The following SLC26A2 variants were observed in gnomAD, a reference collection of about 807,000 sequenced individuals.
SLC26A2 encodes the protein solute carrier family 26 member 2.
SLC26A2 carries 36 observed loss-of-function variants against 41.1 expected under a neutral mutation model. The observed-to-expected ratio is 0.88, with a 90% confidence interval of 0.67 to 1.16. SLC26A2 has a LOEUF of 1.16. Among genes scored for constraint, SLC26A2 ranks in the 50% most tolerant of loss-of-function variants. The probability of loss-of-function intolerance (pLI) is 0.00; values close to 1 mark genes in which losing one functional copy is unlikely to be tolerated. For synonymous variants in SLC26A2, 291 were observed against 311.6 expected, an observed-to-expected ratio of 0.93 and a Z score of 0.70; for missense variants, 796 against 869.6, an observed-to-expected ratio of 0.92 and a Z score of 1.07.
intron 1 of SLC26A2, among the ~76,000 whole-genome samples, chr5:149,974,548 G>A (rs1312320343): frequency 1.3e-5 from 2 of 151,392 alleles, no homozygotes; most frequent in Non-Finnish European, 2.9e-5. Context: ...TCAGCCTCCT[G>A]AGTAGCTGGG....
intron 1 of SLC26A2, among the ~76,000 whole-genome samples, chr5:149,971,810 A>G (rs1276117909): frequency 1.3e-5 from 2 of 152,336 alleles, no homozygotes; most frequent in African/African-American, 4.8e-5. Context: ...ACATCAGACC[A>G]GAAGATATAT....
At position 149,980,763 on chromosome 5, in the gene SLC26A2, C is replaced by T. The variant is rs757884368; in HGVS notation, c.1170C>T (p.Ser390=). 9.3e-6 allele frequency: 15 copies of T among 1,613,842 alleles called. No individual in the cohort carries two copies. In the Admixed American group the frequency reaches 2.5e-4, roughly 27 times the overall value. ...PSVAVDAIAI[S]IIGFAITVSL... ...TGGCTGTAGATGCAATAGCTATTTC[C>T]ATCATTGGTTTTGCTATCACTGTAT... The change falls in exon 3 of 3, where the codon TCC becomes TCT. Residue 390 remains serine, a synonymous_variant. Coordinates refer to ENST00000286298, the MANE Select transcript of SLC26A2 (RefSeq NM_000112.4).
At chr5:149,974,832 T>A (rs927675011) in intron 1 of SLC26A2, among the ~76,000 whole-genome samples, 3 of 151,352 alleles carry the variant, frequency 2.0e-5, no homozygotes, top group African/African-American at 4.9e-5. Context: ...TTCCAGCGAT[T>A]CTCCTGCCTC....
chr5:149,962,328 A>C (rs1466006336), intron 1 of SLC26A2: 3 of 151,764 alleles, frequency 2.0e-5, no homozygotes, highest in Non-Finnish European at 4.4e-5. Context: ...ACTTTTTTTT[A>C]ATTTCTGATT....
At chr5:149,962,768 G>A (rs1754735779) in intron 1 of SLC26A2, among the ~76,000 whole-genome samples, 2 of 152,212 alleles carry the variant, frequency 1.3e-5, no homozygotes, top group Admixed American at 1.3e-4. Flanking sequence ...GCATGTGGGG[G>A]CGGAAGAGTG....
intron 1 of SLC26A2, among the ~76,000 whole-genome samples, chr5:149,965,974 A>C (rs1430797289): frequency 1.3e-5 from 2 of 152,098 alleles, no homozygotes; most frequent in Non-Finnish European, 1.5e-5. Context: ...GCGCAATCTC[A>C]ACTCACTGCA....
In SLC26A2 at chr5:149,986,158, G is replaced by C. The variant is rs750597567; in HGVS notation, c.*4345G>C. ...GTTAGATCATTGAGTGGTGTTGAGA[G>C]TGAAGTTTCACTAGCAGGGAAGTTT... is the stretch of plus-strand genomic sequence containing the variant. On this transcript the variant is annotated 3_prime_UTR_variant, in exon 3 of 3. Transcript: ENST00000286298. 1.3e-5 allele frequency: 2 copies of C among 152,152 alleles called. No individual in the cohort carries two copies. Among genetic ancestry groups the C allele is most frequent in the African/African-American group, 4.8e-5 (2 of 41,424 alleles). The allele number at this position is 152,152 out of a possible 1,614,324, so 9.4% of individuals were successfully genotyped here. A position where few individuals can be genotyped will look rare whatever the true frequency, so the allele number is the denominator to read the frequency against.
chr5:149,974,722 CTT>C (rs11440508), intron 1 of SLC26A2, among the ~76,000 whole-genome samples: 3 of 100,882 alleles, frequency 3.0e-5, no homozygotes, highest in African/African-American at 4.1e-5. Context: ...TGCACCCGGC[CTT>C]TTTTTTTTTT....
At position 149,987,230 on chromosome 5, in the gene SLC26A2, G is replaced by A. The variant is rs1755214813; in HGVS notation, c.*5417G>A. On this transcript the variant is annotated 3_prime_UTR_variant, in exon 3 of 3. Coordinates refer to ENST00000286298, the MANE Select transcript of SLC26A2 (RefSeq NM_000112.4). The stretch of plus-strand genomic sequence containing the variant: ...TAACCCTCTTATGGGATGAGGATGA[G>A]TTATTAATGTATTGCAGCCTACTGG... 6.6e-6 allele frequency: 1 copy of A among 152,166 alleles called. No homozygotes were observed. Among genetic ancestry groups the A allele is most frequent in the Admixed American group, 6.5e-5 (1 of 15,282 alleles). 9.4% of individuals were successfully genotyped at this position (152,166 alleles called of 1,614,324 possible).
Position 149,980,510 on chromosome 5 carries a change from T to C in SLC26A2, c.917T>C (p.Ile306Thr), listed in dbSNP as rs1187860041. ...CATAAGACCAATCTCTGTGATCTTA[T>C]CACCAGCCTTTTGTGCCTTTTGGTT... The part of the protein sequence containing the change: ...NIHKTNLCDL[I>T]TSLLCLLVLL... The change falls in exon 3 of 3, where the codon ATC (isoleucine) becomes ACC (threonine). Residue 306 changes from isoleucine (I) to threonine (T), a missense_variant. Transcript: ENST00000286298. 6.2e-7 allele frequency: 1 copy of C among 1,614,196 alleles called. No individual in the cohort carries two copies. Among genetic ancestry groups the C allele is most frequent in the Non-Finnish European group, 8.5e-7 (1 of 1,180,016 alleles).
intron 1 of SLC26A2, among the ~76,000 whole-genome samples, chr5:149,966,623 GT>G (rs1484851565): frequency 6.6e-6 from 1 of 151,080 alleles, no homozygotes; most frequent in Non-Finnish European, 1.5e-5. Flanking sequence ...TTTAATATTT[GT>G]TTTATACTTA....
At chr5:149,976,427 T>C (rs1284709932) in intron 1 of SLC26A2, among the ~76,000 whole-genome samples, 1 of 152,172 alleles carries the variant, frequency 6.6e-6, no homozygotes, top group African/African-American at 2.4e-5. Flanking sequence ...GGAGATTGGT[T>C]AGTGCTTTCT....
At position 149,980,062 on chromosome 5, in the gene SLC26A2, G is replaced by C. The variant is rs6860282; in HGVS notation, c.700-231G>C. ...GAAAAGAAAGAAATCCAAAGTTCCT[G>C]TCTCACCTGGGTTAATAAGTAACAG... is the stretch of plus-strand genomic sequence containing the variant. On this transcript the variant is annotated intron_variant, in intron 2 of 2. Transcript: ENST00000286298. 0.14 allele frequency among the ~76,000 whole-genome samples: 21,528 copies of C among 152,060 alleles called. 1,718 individuals are homozygous for C. Among genetic ancestry groups the C allele is most frequent in the Admixed American group, 0.27 (4,128 of 15,270 alleles).
At chr5:149,975,386 A>T (rs1754976468) in intron 1 of SLC26A2, among the ~76,000 whole-genome samples, 1 of 152,208 alleles carries the variant, frequency 6.6e-6, no homozygotes. Context: ...TTCTTCCCAG[A>T]TAGCAGCCAT....
chr5:149,975,346 T>C (rs1754975570), intron 1 of SLC26A2, among the ~76,000 whole-genome samples: 1 of 152,206 alleles, frequency 6.6e-6, no homozygotes, highest in African/African-American at 2.4e-5. Context: ...CATTTCTTTG[T>C]TTTACTTTCT....
chr5:149,972,959 G>T (rs1192355540), intron 1 of SLC26A2, among the ~76,000 whole-genome samples: 1 of 150,880 alleles, frequency 6.6e-6, no homozygotes, highest in Non-Finnish European at 1.5e-5. Flanking sequence ...GTTACTCTTA[G>T]GTTTAAATGT....
At chr5:149,976,886 T>A (rs1311504464) in intron 1 of SLC26A2, among the ~76,000 whole-genome samples, 1 of 152,212 alleles carries the variant, frequency 6.6e-6, no homozygotes, top group East Asian at 1.9e-4. Flanking sequence ...GATGACTCCA[T>A]ACTAGAACAT....
chr5:149,962,150 C>T (rs1359336431), intron 1 of SLC26A2: 2 of 151,554 alleles, frequency 1.3e-5, no homozygotes, highest in African/African-American at 4.8e-5. Flanking sequence ...TCAGCATCAT[C>T]TAGCGTGTGG....
At chr5:149,967,796 C>T (rs901777814) in intron 1 of SLC26A2, among the ~76,000 whole-genome samples, 20 of 151,840 alleles carry the variant, frequency 1.3e-4, no homozygotes, top group African/African-American at 4.8e-4. Flanking sequence ...GTCACCTGGG[C>T]TAGAGTGCAG....
Sources: gnomAD v4.1 joint callset for allele counts (sites outside exome capture counted in the v4.1 genomes callset) on GRCh38, gnomAD v4.1.1 for gene constraint, MANE v1.5 for transcripts, NCBI Gene and HGNC (gene_info 2026-07-23, HGNC 2026-07-21) for gene names.